The following USP40 variants were observed in gnomAD, a reference collection of about 807,000 sequenced individuals.
USP40 encodes ubiquitin carboxyl-terminal hydrolase 40.
In USP40, 143 loss-of-function variants were observed where a neutral mutation model predicts 166.2. That is an observed-to-expected ratio of 0.86 (90% CI 0.75 to 0.99). The LOEUF (loss-of-function observed/expected upper bound fraction) is 0.99, where lower values mean the gene tolerates loss of function less well. Among genes scored for constraint, USP40 ranks in the 50% least tolerant of loss-of-function variants. The probability of loss-of-function intolerance (pLI) is 0.00; values close to 1 mark genes in which losing one functional copy is unlikely to be tolerated. For synonymous variants in USP40, 498 were observed against 524.0 expected, an observed-to-expected ratio of 0.95 and a Z score of 0.68; for missense variants, 1,444 against 1,479.7, an observed-to-expected ratio of 0.98 and a Z score of 0.40.
chr2:233,556,115 CAAA>C (rs774757577), intron 5 of USP40, among the ~76,000 whole-genome samples: 6 of 92,610 alleles, frequency 6.5e-5, no homozygotes, highest in Non-Finnish European at 4.4e-5. Flanking sequence ...GACTCCATCT[CAAA>C]AAAAAAAAAA....
chr2:233,532,084 G>A (rs901482011), intron 11 of USP40, among the ~76,000 whole-genome samples: 1 of 152,180 alleles, frequency 6.6e-6, no homozygotes. Context: ...GACAGTGGGT[G>A]GAGTCTTCGT....
chr2:233,516,405 C>T (rs2603545), intron 18 of USP40, among the ~76,000 whole-genome samples: 31,700 of 151,956 alleles, frequency 0.21, 3,390 homozygotes, highest in African/African-American at 0.22. Flanking sequence ...CTTAAGAATA[C>T]TGTATCATCT....
intron 21 of USP40, among the ~76,000 whole-genome samples, chr2:233,503,461 C>T (rs2066215355): frequency 6.6e-6 from 1 of 152,120 alleles, no homozygotes; most frequent in Admixed American, 6.5e-5. Context: ...CAAAAAGATC[C>T]TCTTTGGGCA....
intron 21 of USP40, among the ~76,000 whole-genome samples, chr2:233,504,421 T>C (rs973316819): frequency 6.6e-6 from 1 of 151,804 alleles, no homozygotes; most frequent in African/African-American, 2.4e-5. Context: ...AAGACAAACA[T>C]AGACTGAAAG....
chr2:233,488,569 C>T lies in USP40; in HGVS notation c.3132-265G>A, dbSNP rs1163013500. ...CCAAAGAAATTTCCCTCTGTTCAGCCGGGGTTAAGATTCTCATGCCAGTCA... is the reference window on the plus strand; with the variant it reads ...CCAAAGAAATTTCCCTCTGTTCAGCTGGGGTTAAGATTCTCATGCCAGTCA... On this transcript the variant is annotated intron_variant, in intron 27 of 31. Coordinates refer to ENST00000678225, the MANE Select transcript of USP40 (RefSeq NM_001365479.2). 4.6e-5 allele frequency among the ~76,000 whole-genome samples: 7 copies of T among 152,246 alleles called. No homozygotes were observed. In the South Asian group the frequency reaches 8.3e-4, roughly 18 times the overall value.
intron 16 of USP40, among the ~76,000 whole-genome samples, chr2:233,521,374 G>A (rs2125215826): frequency 6.6e-6 from 1 of 152,212 alleles, no homozygotes; most frequent in Admixed American, 6.5e-5. Flanking sequence ...GTAAACAGTT[G>A]CTGGCTTCTG....
intron 8 of USP40, chr2:233,545,744 G>A (rs2069857269): frequency 4.5e-6 from 1 of 224,514 alleles, no homozygotes; most frequent in South Asian, 8.4e-5. Flanking sequence ...TGTATGCAGG[G>A]CACAGCTCCT....
chr2:233,489,549 G>C, intron 26 of USP40, 66 bp from the exon 27 acceptor site: 1 of 1,165,824 alleles, frequency 8.6e-7, no homozygotes, highest in Non-Finnish European at 1.2e-6. Context: ...TACTGTTTTA[G>C]AAAAAAAAAA....
intron 10 of USP40, among the ~76,000 whole-genome samples, chr2:233,538,195 C>A (rs966339975): frequency 5.0e-4 from 76 of 151,472 alleles, no homozygotes; most frequent in Non-Finnish European, 1.8e-4. Flanking sequence ...ATTTATTAAT[C>A]CAAAAGAAGG....
At chr2:233,499,499 C>A (rs117201135) in intron 22 of USP40, among the ~76,000 whole-genome samples, 1,940 of 152,218 alleles carry the variant, frequency 0.013, 39 homozygotes, top group East Asian at 0.084. Flanking sequence ...TAATAGAATA[C>A]TTTATATTCC....
rs773386029 is a variant in USP40 at position 233,491,236 on chromosome 2, T to G, written c.2943A>C (p.Gln981His). 6.2e-6 allele frequency: 10 copies of G among 1,612,238 alleles called. No individual in the cohort carries two copies. The highest frequency in any genetic ancestry group is 8.5e-6 in the Non-Finnish European group (10 of 1,179,190). The change falls in exon 26 of 32, where the codon CAA becomes CAC. Residue 981 changes from glutamine to histidine, a missense_variant. Gln to His is a conservative substitution (Grantham distance 24). Transcript: ENST00000678225. ...TGTCTCCCAAGTAGAGGAGAGAAAC[T>G]TGCGCAGGCTCGTTCCCAGAAGCAC... is the stretch of plus-strand genomic sequence containing the variant. The part of the protein sequence containing the change: ...SQGASGNEPA[Q>H]VSLLYLGDIE...
intron 18 of USP40, among the ~76,000 whole-genome samples, chr2:233,517,456 C>A (rs2067302118): frequency 1.4e-5 from 2 of 144,898 alleles, no homozygotes; most frequent in Admixed American, 7.1e-5. Context: ...GCGATCTCGG[C>A]TCACTACAAG....
At chr2:233,557,051 C>T (rs778572335) in intron 4 of USP40, 32 bp from the exon 5 acceptor site, 15 of 1,565,506 alleles carry the variant, frequency 9.6e-6, no homozygotes, top group Non-Finnish European at 1.0e-5. Context: ...GATGTAATTC[C>T]GGGCTTCAGA....
intron 20 of USP40, among the ~76,000 whole-genome samples, chr2:233,510,392 C>CTTTTTTTTTTTTTTTTTTTTTTTTTTTTT: frequency 1.5e-5 from 1 of 68,690 alleles, no homozygotes; most frequent in Non-Finnish European, 2.6e-5. Flanking sequence ...CTTTTTCTTT[C>CTTTTTTTTTTTTTTTTTTTTTTTTTTTTT]TTTTTTTTTT....
Position 233,524,475 on chromosome 2 carries a change from T to G in USP40, c.1881+17A>C, listed in dbSNP as rs2125231464. ...ATCCAAAATTATCACGAATATTTCT[T>G]CAGTAATTTTTTTTACCTCCACCCC... On this transcript the variant is annotated intron_variant, in intron 15 of 31. Transcript: ENST00000678225. 14 of 1,595,766 alleles carry G rather than the reference T, an allele frequency of 8.8e-6. No individual in the cohort carries two copies. The highest frequency in any genetic ancestry group is 1.2e-5 in the Non-Finnish European group (14 of 1,170,668).
chr2:233,562,807 A>T lies in USP40; in HGVS notation c.200-4T>A, dbSNP rs1488595476. On this transcript the variant is annotated splice_region_variant and splice_polypyrimidine_tract_variant and intron_variant, in intron 2 of 31. Transcript: ENST00000678225. ...GGGCCAAGAGAAAATAGAGCTTCTA[A>T]AGAAAAAGGTAGAATCAGAGATGCA... is the stretch of plus-strand genomic sequence containing the variant. The T allele has an allele frequency of 2.6e-6, 4 of 1,529,468 alleles. No individual in the cohort carries two copies. The African/African-American group carries it at 5.6e-5, about 21-fold the overall frequency. The allele number at this position is 1,529,468 out of a possible 1,614,324, so 94.7% of individuals were successfully genotyped here.
chr2:233,510,243 C>A (rs1575260255), intron 20 of USP40, 108 bp from the exon 21 acceptor site: 1 of 727,712 alleles, frequency 1.4e-6, no homozygotes, highest in Non-Finnish European at 2.2e-6. Context: ...GAAACTTTAA[C>A]AAAAAATCTC....
In USP40 at chr2:233,485,943, T is replaced by C. The variant is rs1575216327; in HGVS notation, c.3232A>G (p.Ile1078Val). ...GGGGCATAGGTCCTCTCACCAGGGA[T>C]GCGCACCTGTGTCCTCAGCAGCACG... The part of the protein sequence containing the change: ...QDVLLRTQVR[I>V]PGERTYAPAL... Residue 1078 changes from isoleucine to valine, a missense_variant, in exon 29 of 32, where the codon ATC (isoleucine) becomes GTC (valine). Physicochemically the swap from Ile to Val is conservative, Grantham distance 29 (BLOSUM62 3). Transcript: ENST00000678225. 1.9e-6 allele frequency: 3 copies of C among 1,593,280 alleles called. No individual in the cohort carries two copies. The highest frequency in any genetic ancestry group is 2.3e-5 in the South Asian group (2 of 86,974).
chr2:233,489,609 T>G, intron 26 of USP40, 126 bp from the exon 27 acceptor site: 1 of 748,548 alleles, frequency 1.3e-6, no homozygotes, highest in South Asian at 1.9e-5. Context: ...CAAGTAATGA[T>G]AACATCATTT....
Sources: gnomAD v4.1 joint callset for allele counts (sites outside exome capture counted in the v4.1 genomes callset) on GRCh38, gnomAD v4.1.1 for gene constraint, MANE v1.5 for transcripts, NCBI Gene and HGNC (gene_info 2026-07-23, HGNC 2026-07-21) for gene names.